DTWD2: variants seen among roughly 807,000 people sequenced by gnomAD.
The protein encoded by DTWD2 is DTW motif tRNA-uridine aminocarboxypropyltransferase 2, also known as tRNA-uridine aminocarboxypropyltransferase 2.
DTWD2 carries 39 observed loss-of-function variants against 31.8 expected under a neutral mutation model. The ratio of observed to expected loss-of-function variants is 1.22; its 90% CI spans 0.95 to 1.60. The LOEUF is 1.60. Ranked by LOEUF, DTWD2 falls within the 40% of genes most tolerant of loss-of-function variation. The pLI is 0.00. For missense variants in DTWD2, 515 were observed against 381.5 expected, an observed-to-expected ratio of 1.35 and a Z score of -2.92; for synonymous variants, 180 against 142.8, an observed-to-expected ratio of 1.26 and a Z score of -1.86.
intron 1 of DTWD2, among the ~76,000 whole-genome samples, chr5:118,982,613 G>T (rs1755327018): frequency 6.7e-6 from 1 of 149,748 alleles, no homozygotes; most frequent in African/African-American, 2.5e-5. Context: ...TTAAACTTCA[G>T]AATACCCAAA....
intron 4 of DTWD2, among the ~76,000 whole-genome samples, chr5:118,872,007 T>C (rs929071270): frequency 6.6e-6 from 1 of 152,226 alleles, no homozygotes; most frequent in Non-Finnish European, 1.5e-5. Flanking sequence ...ACATCAGCAC[T>C]TGACGATTCA....
intron 4 of DTWD2, among the ~76,000 whole-genome samples, chr5:118,919,057 G>T (rs990208056): frequency 2.6e-5 from 4 of 152,170 alleles, no homozygotes; most frequent in Non-Finnish European, 5.9e-5. Flanking sequence ...AGAGAGACTG[G>T]ATATTATACA....
At chr5:118,899,010 G>A (rs997898633) in intron 4 of DTWD2, among the ~76,000 whole-genome samples, 13 of 152,230 alleles carry the variant, frequency 8.5e-5, no homozygotes, top group African/African-American at 3.1e-4. Flanking sequence ...AAAATTTAGA[G>A]TTGCCCAATG....
intron 1 of DTWD2, among the ~76,000 whole-genome samples, chr5:118,965,646 G>A (rs912684684): frequency 2.4e-4 from 36 of 152,086 alleles, no homozygotes; most frequent in African/African-American, 5.3e-4. Flanking sequence ...CCCCCAACCC[G>A]GTGCTCTCTG....
At chr5:118,906,650 T>C (rs1280320362) in intron 4 of DTWD2, among the ~76,000 whole-genome samples, 3 of 152,164 alleles carry the variant, frequency 2.0e-5, no homozygotes, top group Admixed American at 2.0e-4. Flanking sequence ...AACTAATCGA[T>C]AGTGACATAA....
At chr5:118,845,225 T>C (rs1252558494) in intron 5 of DTWD2, among the ~76,000 whole-genome samples, 1 of 152,138 alleles carries the variant, frequency 6.6e-6, no homozygotes, top group Non-Finnish European at 1.5e-5. Flanking sequence ...GAAAATTTAC[T>C]ATTCTCCCCC....
At chr5:118,985,654 G>A (rs1392197912) in intron 1 of DTWD2, among the ~76,000 whole-genome samples, 2 of 151,286 alleles carry the variant, frequency 1.3e-5, no homozygotes, top group African/African-American at 2.4e-5. Context: ...ACTCCACGAC[G>A]GCCTAATTTC....
chr5:118,988,207 G>A (rs1755474634), intron 1 of DTWD2, 87 bp downstream of exon 1: 1 of 1,496,746 alleles, frequency 6.7e-7, no homozygotes, highest in South Asian at 1.2e-5. Context: ...AGAGCTGCCC[G>A]AGCCGCCGAC....
intron 4 of DTWD2, among the ~76,000 whole-genome samples, chr5:118,915,122 C>A (rs1257205041): frequency 6.6e-6 from 1 of 151,982 alleles, no homozygotes; most frequent in Admixed American, 6.5e-5. Context: ...GAGGTTGAGG[C>A]ATGAGAATCA....
intron 4 of DTWD2, 32 bp from the exon 5 acceptor site, chr5:118,848,250 T>C: frequency 6.5e-7 from 1 of 1,536,290 alleles, no homozygotes; most frequent in Non-Finnish European, 8.7e-7. Flanking sequence ...AACATAATTT[T>C]TGTTTTAAAT....
chr5:118,889,441 T>C (rs1396062738), intron 4 of DTWD2, among the ~76,000 whole-genome samples: 3 of 152,158 alleles, frequency 2.0e-5, no homozygotes. Context: ...AAGCTCTTCA[T>C]ATACAGACAC....
intron 4 of DTWD2, among the ~76,000 whole-genome samples, chr5:118,854,332 A>G (rs1041780219): frequency 2.0e-5 from 3 of 152,042 alleles, no homozygotes; most frequent in Non-Finnish European, 4.4e-5. Context: ...TCTTTTTTTA[A>G]TAATGCAAAA....
In DTWD2 at chr5:118,840,890, T is replaced by A. The variant is rs1751695920; in HGVS notation, c.*27A>T. The A allele has an allele frequency of 6.2e-7, 1 of 1,605,416 alleles. No individual in the cohort carries two copies. Among genetic ancestry groups the A allele is most frequent in the Non-Finnish European group, 8.5e-7 (1 of 1,175,608 alleles). Reference sequence around the variant, plus strand: ...TTTGGTATTGTTAGATGAAGACAGTTAAGCTAGCACCAAAAGAATAACTGT... The same window carrying A: ...TTTGGTATTGTTAGATGAAGACAGTAAAGCTAGCACCAAAAGAATAACTGT... On this transcript the variant is annotated 3_prime_UTR_variant, in exon 6 of 6. Transcript: ENST00000510708.
rs754842155 is a variant in DTWD2 at position 118,840,913 on chromosome 5, T to A, written c.*4A>T. The A allele has an allele frequency of 6.2e-7, 1 of 1,611,476 alleles. No homozygotes were observed. ...GTTAAGCTAGCACCAAAAGAATAACTGTACTAAATTTTAACACTATTCATT... is the reference window on the plus strand; with the variant it reads ...GTTAAGCTAGCACCAAAAGAATAACAGTACTAAATTTTAACACTATTCATT... On this transcript the variant is annotated 3_prime_UTR_variant, in exon 6 of 6. Coordinates refer to ENST00000510708, the MANE Select transcript of DTWD2 (RefSeq NM_173666.4).
intron 4 of DTWD2, among the ~76,000 whole-genome samples, chr5:118,900,712 G>A (rs1753185811): frequency 1.3e-5 from 2 of 151,996 alleles, no homozygotes; most frequent in African/African-American, 2.4e-5. Context: ...AGATCACAAG[G>A]TCAGGAGATC....
Position 118,939,623 on chromosome 5 carries a change from G to A in DTWD2, c.310-333C>T, listed in dbSNP as rs571881492. On this transcript the variant is annotated intron_variant, in intron 2 of 5. Transcript: ENST00000510708. ...CTCTGACAAGTTTTTCATTTCACAA[G>A]TAATTACATTTTGCACTATGCCAGC... Among the ~76,000 whole-genome samples the A allele has an allele frequency of 2.1e-3, 314 of 152,234 alleles. 9 individuals are homozygous for A. Among genetic ancestry groups the A allele is most frequent in the Non-Finnish European group, 2.6e-3 (179 of 68,008 alleles).
chr5:118,870,858 C>CT (rs1752486251), intron 4 of DTWD2, among the ~76,000 whole-genome samples: 1 of 151,602 alleles, frequency 6.6e-6, no homozygotes, highest in South Asian at 2.1e-4. Flanking sequence ...CCACAGTAAA[C>CT]TTTTTTCAAA....
intron 1 of DTWD2, among the ~76,000 whole-genome samples, chr5:118,953,828 C>A (rs980268675): frequency 1.3e-5 from 2 of 152,142 alleles, no homozygotes; most frequent in African/African-American, 4.8e-5. Context: ...TGGCTCCTGG[C>A]CTATATCTTT....
intron 4 of DTWD2, among the ~76,000 whole-genome samples, chr5:118,861,364 C>T (rs1334792617): frequency 1.3e-5 from 2 of 152,172 alleles, no homozygotes; most frequent in Admixed American, 6.6e-5. Context: ...CTTCATCTAC[C>T]CATTTCAACA....
Sources: allele counts gnomAD v4.1 joint callset (sites outside exome capture counted in the v4.1 genomes callset), GRCh38; gene constraint gnomAD v4.1.1; transcripts MANE v1.5; gene names NCBI Gene and HGNC (gene_info 2026-07-23, HGNC 2026-07-21).